The following MSI2 variants were observed in gnomAD, a reference collection of about 807,000 sequenced individuals.
MSI2 encodes musashi RNA binding protein 2.
A neutral mutation model predicts 45.6 loss-of-function variants in MSI2; 17 were observed. That is an observed-to-expected ratio of 0.37 (90% CI 0.26 to 0.56). The LOEUF (loss-of-function observed/expected upper bound fraction) is 0.56. Ranked by LOEUF, MSI2 falls within the 20% of genes least tolerant of loss-of-function variation. The pLI is 0.77. For missense variants in MSI2, 293 were observed against 444.2 expected (o/e 0.66, Z 3.06); for synonymous variants, 156 against 158.2 (o/e 0.99, Z 0.11).
Position 57,284,072 on chromosome 17 carries a change from C to T in MSI2, c.312+21880C>T, listed in dbSNP as rs556952386. On this transcript the variant is annotated intron_variant, in intron 5 of 13. Transcript: ENST00000284073. ...AGCCCATTGCTCTGATTTTCTGGAT[C>T]GACACAGCCCCAGATTTATTTTCCT... Among the ~76,000 whole-genome samples the T allele has an allele frequency of 3.9e-5, 6 of 152,330 alleles. No individual in the cohort carries two copies. The South Asian group carries it at 8.3e-4, about 21-fold the overall frequency.
the MSI2 span, among the ~76,000 whole-genome samples, chr17:57,700,550 G>T: frequency 1.3e-5 from 2 of 152,150 alleles, no homozygotes; most frequent in Non-Finnish European, 2.9e-5. Context: ...GAAGCCTGGT[G>T]TGATAGGTCT....
chr17:57,678,183 G>C (rs146373362), intron 13 of MSI2, among the ~76,000 whole-genome samples: 1 of 152,322 alleles, frequency 6.6e-6, no homozygotes, highest in African/African-American at 2.4e-5. Context: ...GGAGAACTGG[G>C]TTGAGTTGAG....
intron 7 of MSI2, among the ~76,000 whole-genome samples, chr17:57,585,100 G>A (rs1265245264): frequency 6.6e-6 from 1 of 152,118 alleles, no homozygotes; most frequent in East Asian, 1.9e-4. Context: ...TTACAAGCAT[G>A]AGCCACCACC....
rs747227491 is a variant in MSI2, at chr17:57,257,150, AGG to A, written c.103+18_103+19del. ...GCAGACCTCACCAGGTAAGGGAGGG[AGG>A]GGGGGACGCCTGGGTCCCCCCCTTC... On this transcript the variant is annotated intron_variant, in intron 2 of 13. Coordinates refer to ENST00000284073, the MANE Select transcript of MSI2 (RefSeq NM_138962.4). The A allele has an allele frequency of 2.2e-6, 1 of 454,406 alleles. No homozygotes were observed. Among genetic ancestry groups the A allele is most frequent in the Non-Finnish European group, 4.1e-6 (1 of 241,226 alleles). The allele number at this position is 454,406 out of a possible 1,614,324, so 28.1% of individuals were successfully genotyped here. A position where few individuals can be genotyped will look rare whatever the true frequency, so the allele number is the denominator to read the frequency against.
At chr17:57,674,191 C>T (rs1913042597) in intron 11 of MSI2, among the ~76,000 whole-genome samples, 1 of 150,356 alleles carries the variant, frequency 6.7e-6, no homozygotes, top group South Asian at 2.1e-4. Context: ...CATATCCCAT[C>T]CTCCGACCAC....
intron 7 of MSI2, among the ~76,000 whole-genome samples, chr17:57,548,870 C>T (rs1354405116): frequency 6.6e-6 from 1 of 151,360 alleles, no homozygotes; most frequent in African/African-American, 2.4e-5. Context: ...ACCTCTTCAC[C>T]CCTTACTTCT....
At chr17:57,387,818 T>TG (rs1411640557) in intron 5 of MSI2, among the ~76,000 whole-genome samples, 3 of 152,016 alleles carry the variant, frequency 2.0e-5, no homozygotes, top group African/African-American at 7.2e-5. Context: ...AAGTCACTAG[T>TG]GGGGAAGGGA....
chr17:57,535,113 G>A (rs1320720026), intron 7 of MSI2, among the ~76,000 whole-genome samples: 1 of 152,220 alleles, frequency 6.6e-6, no homozygotes. Flanking sequence ...GAGGAAGGGT[G>A]CACTGGCCAG....
intron 5 of MSI2, among the ~76,000 whole-genome samples, chr17:57,285,151 G>A (rs538871239): frequency 3.3e-5 from 5 of 152,112 alleles, no homozygotes; most frequent in South Asian, 4.1e-4. Context: ...CCTTGTTAGA[G>A]CCCAGTGCGG....
intron 5 of MSI2, among the ~76,000 whole-genome samples, chr17:57,341,534 AGTCT>A (rs1295200743): frequency 6.6e-6 from 1 of 152,152 alleles, no homozygotes; most frequent in Non-Finnish European, 1.5e-5. Flanking sequence ...TCCTATTGTC[AGTCT>A]GTTGGCCCCT....
intron 5 of MSI2, among the ~76,000 whole-genome samples, chr17:57,379,929 T>G (rs2083570373): frequency 6.6e-6 from 1 of 152,248 alleles, no homozygotes; most frequent in African/African-American, 2.4e-5. Context: ...ATCCTTTCTT[T>G]TCTTTCTTTT....
chr17:57,257,639 A>C (rs556351321), intron 3 of MSI2, 92 bp downstream of exon 3: 1 of 913,162 alleles, frequency 1.1e-6, no homozygotes, highest in South Asian at 1.5e-5. Flanking sequence ...TAAGCGGATT[A>C]GAATGGGGCT....
intron 11 of MSI2, among the ~76,000 whole-genome samples, chr17:57,657,209 T>G (rs1027952859): frequency 6.6e-6 from 1 of 152,176 alleles, no homozygotes; most frequent in Non-Finnish European, 1.5e-5. Context: ...AGAATCGGAA[T>G]GAACAAGGAT....
At chr17:57,341,064 G>C (rs1242979108) in intron 5 of MSI2, among the ~76,000 whole-genome samples, 1 of 152,190 alleles carries the variant, frequency 6.6e-6, no homozygotes, top group African/African-American at 2.4e-5. Context: ...GCTGGTGTGA[G>C]AGAGCTGCTG....
At chr17:57,417,930 T>C (rs2084325406) in intron 6 of MSI2, among the ~76,000 whole-genome samples, 1 of 152,246 alleles carries the variant, frequency 6.6e-6, no homozygotes, top group South Asian at 2.1e-4. Flanking sequence ...ATTTTCACAA[T>C]TGTTCCTTCC....
At chr17:57,352,943 G>T (rs1916136463) in intron 5 of MSI2, among the ~76,000 whole-genome samples, 1 of 152,154 alleles carries the variant, frequency 6.6e-6, no homozygotes, top group East Asian at 1.9e-4. Flanking sequence ...GTAATGACTG[G>T]ACTGGGTGAG....
At chr17:57,472,838 A>G (rs1013214600) in intron 6 of MSI2, among the ~76,000 whole-genome samples, 2 of 149,872 alleles carry the variant, frequency 1.3e-5, no homozygotes, top group African/African-American at 2.5e-5. Context: ...CCTTTTCCCT[A>G]CTCACAGGGC....
chr17:57,557,184 C>T (rs559513841), intron 7 of MSI2, among the ~76,000 whole-genome samples: 54 of 152,298 alleles, frequency 3.5e-4, no homozygotes, highest in Non-Finnish European at 4.9e-4. Flanking sequence ...TCTTAAGAAA[C>T]GTTAACGATG....
chr17:57,684,063 A>G lies in MSI2; in HGVS notation c.*4546A>G, dbSNP rs1223416996. Reference sequence around the variant, plus strand: ...CCTGGCTATCAAATAATCAGAATGTATTGTCTCAGACAGGATTTCAGTTCC... The same window carrying G: ...CCTGGCTATCAAATAATCAGAATGTGTTGTCTCAGACAGGATTTCAGTTCC... On this transcript the variant is annotated 3_prime_UTR_variant, in exon 14 of 14. Transcript: ENST00000284073. 15 of 208,332 alleles carry G rather than the reference A, an allele frequency of 7.2e-5. No individual in the cohort carries two copies. The highest frequency in any genetic ancestry group is 1.8e-4 in the Admixed American group (3 of 16,908). The allele number at this position is 208,332 out of a possible 1,614,324, so 12.9% of individuals were successfully genotyped here.
Sources: allele counts gnomAD v4.1 joint callset (sites outside exome capture counted in the v4.1 genomes callset), GRCh38; gene constraint gnomAD v4.1.1; transcripts MANE v1.5; gene names NCBI Gene and HGNC (gene_info 2026-07-23, HGNC 2026-07-21).